RORA: variants seen among roughly 807,000 people sequenced by gnomAD.
RORA encodes the protein nuclear receptor ROR-alpha.
A neutral mutation model predicts 69.5 loss-of-function variants in RORA; 7 were observed. The observed-to-expected ratio is 0.10, with a 90% CI of 0.06 to 0.19. The LOEUF (loss-of-function observed/expected upper bound fraction) is 0.19, where lower values mean the gene tolerates loss of function less well. Among genes scored for constraint, RORA ranks in the 10% least tolerant of loss-of-function variants. The probability of loss-of-function intolerance (pLI) is 1.00; values close to 1 mark genes in which losing one functional copy is unlikely to be tolerated. For synonymous variants in RORA, 261 were observed against 240.8 expected, an observed-to-expected ratio of 1.08 and a Z score of -0.78; for missense variants, 457 against 663.0, an observed-to-expected ratio of 0.69 and a Z score of 3.41.
intron 1 of RORA, among the ~76,000 whole-genome samples, chr15:61,205,271 T>C (rs559980329): frequency 1.7e-4 from 26 of 152,332 alleles, no homozygotes; most frequent in Non-Finnish European, 3.1e-4. Context: ...TTAGCAGCTC[T>C]TGTTAGAGCT....
chr15:60,873,381 G>T (rs1220750167), intron 1 of RORA, among the ~76,000 whole-genome samples: 1 of 152,028 alleles, frequency 6.6e-6, no homozygotes, highest in Admixed American at 6.6e-5. Context: ...TGAAGAAATG[G>T]TCATGCCCCT....
Position 60,489,701 on chromosome 15 carries a change from G to A in RORA, c.*7754C>T, listed in dbSNP as rs1219860443. 1 of 152,112 alleles carries A rather than the reference G, an allele frequency of 6.6e-6. No homozygotes were observed. Among genetic ancestry groups the A allele is most frequent in the African/African-American group, 2.4e-5 (1 of 41,416 alleles). 9.4% of individuals were successfully genotyped at this position (152,112 alleles called of 1,614,324 possible). ...TATGGCCCATGTTATGGCAGAGGAC[G>A]TCTCCATCCTTCTCATGACTCAGGT... On this transcript the variant is annotated 3_prime_UTR_variant, in exon 11 of 11. Coordinates refer to ENST00000335670, the MANE Select transcript of RORA (RefSeq NM_134261.3).
chr15:60,982,322 CT>C (rs1894068119), intron 1 of RORA, among the ~76,000 whole-genome samples: 1 of 152,202 alleles, frequency 6.6e-6, no homozygotes, highest in South Asian at 2.1e-4. Flanking sequence ...TGTGAATGTT[CT>C]TCTAAAATCT....
At chr15:60,981,515 A>G (rs1302758221) in intron 1 of RORA, among the ~76,000 whole-genome samples, 2 of 151,760 alleles carry the variant, frequency 1.3e-5, no homozygotes, top group African/African-American at 4.8e-5. Flanking sequence ...TGTTCCTCTG[A>G]CTGGATACTC....
chr15:60,673,981 T>C (rs2070513618), intron 2 of RORA, among the ~76,000 whole-genome samples: 1 of 152,194 alleles, frequency 6.6e-6, no homozygotes, highest in African/African-American at 2.4e-5. Flanking sequence ...GAGTACTAGG[T>C]TATCCCTTTT....
intron 1 of RORA, among the ~76,000 whole-genome samples, chr15:60,866,883 C>T (rs1177713143): frequency 6.7e-6 from 1 of 149,648 alleles, no homozygotes; most frequent in Non-Finnish European, 1.5e-5. Context: ...TATCTAGTTT[C>T]GAGTCAGAAT....
intron 1 of RORA, among the ~76,000 whole-genome samples, chr15:60,747,319 C>T (rs976821574): frequency 1.3e-5 from 2 of 152,094 alleles, no homozygotes; most frequent in Non-Finnish European, 2.9e-5. Flanking sequence ...TTCTTATCCA[C>T]CAGCTTCAAG....
chr15:60,791,162 A>G (rs969277702), intron 1 of RORA, among the ~76,000 whole-genome samples: 2 of 152,222 alleles, frequency 1.3e-5, no homozygotes, highest in Non-Finnish European at 2.9e-5. Flanking sequence ...CTCTGAGTTC[A>G]GGCCTGATTC....
At chr15:60,922,906 T>C (rs1425309983) in intron 1 of RORA, among the ~76,000 whole-genome samples, 1 of 152,254 alleles carries the variant, frequency 6.6e-6, no homozygotes, top group African/African-American at 2.4e-5. Flanking sequence ...GAGCAGATAC[T>C]ATTGTCACAC....
intron 1 of RORA, among the ~76,000 whole-genome samples, chr15:61,007,815 A>C (rs1371664455): frequency 2.0e-5 from 3 of 147,950 alleles, no homozygotes; most frequent in African/African-American, 7.4e-5. Flanking sequence ...CATATATAAA[A>C]AATATTACAT....
chr15:60,887,594 T>C (rs2073765670), intron 1 of RORA, among the ~76,000 whole-genome samples: 1 of 152,228 alleles, frequency 6.6e-6, no homozygotes, highest in Non-Finnish European at 1.5e-5. Context: ...ATGTAACTCC[T>C]GGGACATCAA....
chr15:61,084,044 T>G (rs2078586075), intron 1 of RORA, among the ~76,000 whole-genome samples: 2 of 152,132 alleles, frequency 1.3e-5, no homozygotes, highest in African/African-American at 4.8e-5. Context: ...CCATGGAGAT[T>G]ATTCCCTTAC....
intron 1 of RORA, among the ~76,000 whole-genome samples, chr15:60,897,839 C>T (rs1182937890): frequency 6.6e-6 from 1 of 152,218 alleles, no homozygotes; most frequent in East Asian, 1.9e-4. Flanking sequence ...TCCTGTTAAG[C>T]ACCAAAGTGA....
intron 1 of RORA, among the ~76,000 whole-genome samples, chr15:60,805,640 T>C (rs1296453373): frequency 6.6e-6 from 1 of 152,198 alleles, no homozygotes; most frequent in East Asian, 1.9e-4. Flanking sequence ...TGTTAGCTGA[T>C]AATATATTGT....
chr15:60,549,965 G>A (rs757650754), intron 2 of RORA, among the ~76,000 whole-genome samples: 4 of 152,178 alleles, frequency 2.6e-5, no homozygotes, highest in Admixed American at 6.5e-5. Flanking sequence ...AGATGTAATT[G>A]TCTATATGTG....
chr15:60,919,745 A>G (rs918313221), intron 1 of RORA, among the ~76,000 whole-genome samples: 7 of 152,118 alleles, frequency 4.6e-5, no homozygotes, highest in Admixed American at 2.0e-4. Flanking sequence ...TGAAAAATCC[A>G]TCTTTTCCTT....
chr15:60,624,479 T>TATATATATATATATATAC (rs2069511252), intron 2 of RORA, among the ~76,000 whole-genome samples: 1 of 120,348 alleles, frequency 8.3e-6, no homozygotes, highest in Non-Finnish European at 1.7e-5. Context: ...TGCATATATA[T>TATATATATATATATATAC]ATATATATAT....
chr15:60,605,669 T>C (rs906518314), intron 2 of RORA, among the ~76,000 whole-genome samples: 2 of 152,176 alleles, frequency 1.3e-5, no homozygotes, highest in African/African-American at 4.8e-5. Context: ...AGCAAGCTAA[T>C]AGCAGGGAGG....
chr15:60,952,249 G>T (rs1282259319), intron 1 of RORA, among the ~76,000 whole-genome samples: 2 of 151,978 alleles, frequency 1.3e-5, no homozygotes, highest in Non-Finnish European at 2.9e-5. Flanking sequence ...AACGCTTCAG[G>T]CTAAAAACTC....
Sources: gnomAD v4.1 joint callset for allele counts (sites outside exome capture counted in the v4.1 genomes callset) on GRCh38, gnomAD v4.1.1 for gene constraint, MANE v1.5 for transcripts, NCBI Gene and HGNC (gene_info 2026-07-23, HGNC 2026-07-21) for gene names.